The following PACRG variants were observed in gnomAD, a reference collection of about 807,000 sequenced individuals.
PACRG encodes the protein parkin coregulated gene protein.
Under a neutral mutation model 29.7 loss-of-function variants are expected in PACRG, and 29 were observed. That is an observed-to-expected ratio of 0.98 (90% CI 0.73 to 1.33). The LOEUF (loss-of-function observed/expected upper bound fraction) is 1.33, where lower values mean the gene tolerates loss of function less well. Among genes scored for constraint, PACRG ranks in the 40% most tolerant of loss-of-function variants. The pLI is 0.00. For missense variants in PACRG, 279 were observed against 316.2 expected, an observed-to-expected ratio of 0.88 and a Z score of 0.89; for synonymous variants, 116 against 118.7, an observed-to-expected ratio of 0.98 and a Z score of 0.15.
At chr6:163,071,804 T>C (rs1175706253) in intron 3 of PACRG, among the ~76,000 whole-genome samples, 1 of 151,544 alleles carries the variant, frequency 6.6e-6, no homozygotes, top group Admixed American at 6.6e-5. Flanking sequence ...AATAAGCAAC[T>C]ATATGCCAAT....
intron 2 of PACRG, among the ~76,000 whole-genome samples, chr6:162,883,714 G>GTGTA (rs1174231697): frequency 7.0e-6 from 1 of 143,162 alleles, no homozygotes; most frequent in African/African-American, 2.6e-5. Context: ...GTGTGTGTGT[G>GTGTA]TATGTATGTA....
intron 2 of PACRG, chr6:162,997,375 A>T (rs546153008): frequency 2.2e-6 from 1 of 451,892 alleles, no homozygotes; most frequent in South Asian, 1.6e-5. Context: ...TTTGTAGTCA[A>T]ACCAGCAACA....
intron 2 of PACRG, among the ~76,000 whole-genome samples, chr6:162,955,303 T>C (rs184354733): frequency 1.2e-4 from 18 of 152,236 alleles, no homozygotes; most frequent in African/African-American, 4.3e-4. Flanking sequence ...TGTTTGTTTT[T>C]GTTTTTGTTT....
At chr6:163,092,983 C>A in intron 4 of PACRG, among the ~76,000 whole-genome samples, 1 of 152,172 alleles carries the variant, frequency 6.6e-6, no homozygotes, top group East Asian at 1.9e-4. Context: ...CCCGGTCTCA[C>A]CAGCTGCATC....
At chr6:162,730,151 C>A (rs529352470) in intron 1 of PACRG, among the ~76,000 whole-genome samples, 1 of 151,210 alleles carries the variant, frequency 6.6e-6, no homozygotes, top group Non-Finnish European at 1.5e-5. Flanking sequence ...CTTAGTACTC[C>A]GAGGAAAACC....
intron 2 of PACRG, among the ~76,000 whole-genome samples, chr6:162,980,454 C>T (rs1031691445): frequency 3.3e-5 from 5 of 152,016 alleles, no homozygotes; most frequent in African/African-American, 4.8e-5. Context: ...TGTTTTTCTA[C>T]CAGGATTAAG....
At chr6:162,864,996 G>A (rs951911696) in intron 2 of PACRG, among the ~76,000 whole-genome samples, 10 of 152,166 alleles carry the variant, frequency 6.6e-5, no homozygotes, top group African/African-American at 2.4e-4. Flanking sequence ...TGATTGTTAG[G>A]AGAATGATCT....
intron 4 of PACRG, among the ~76,000 whole-genome samples, chr6:163,093,009 A>C (rs1241564281): frequency 1.3e-5 from 2 of 152,152 alleles, no homozygotes; most frequent in Non-Finnish European, 1.5e-5. Flanking sequence ...CTTTGCTTCA[A>C]ATGGTTCATT....
intron 2 of PACRG, among the ~76,000 whole-genome samples, chr6:162,978,805 T>A (rs1333315362): frequency 1.3e-5 from 2 of 152,122 alleles, no homozygotes; most frequent in Admixed American, 1.3e-4. Flanking sequence ...TAATAAAAAT[T>A]TAAACCCACC....
chr6:163,201,181 A>T (rs73784530), intron 4 of PACRG, among the ~76,000 whole-genome samples: 3,813 of 152,352 alleles, frequency 0.025, 175 homozygotes, highest in African/African-American at 0.087. Context: ...ACAAGAAGAA[A>T]GTGAATACTT....
rs1246585632 is a variant in PACRG at position 162,950,745 on chromosome 6, CTG to C, written c.292-111404_292-111403del. 7.2e-5 allele frequency among the ~76,000 whole-genome samples: 11 copies of C among 152,124 alleles called. No homozygotes were observed. In the East Asian group the frequency reaches 2.1e-3, roughly 29 times the overall value. On this transcript the variant is annotated intron_variant, in intron 2 of 4. Transcript: ENST00000366888. ...TAATTGTTCCTGAATTCAATACAAA[CTG>C]ATATTTTAAACTTGTAAAATGTATA...
chr6:162,803,766 T>G (rs1786079518), intron 1 of PACRG, among the ~76,000 whole-genome samples: 1 of 152,162 alleles, frequency 6.6e-6, no homozygotes, highest in South Asian at 2.1e-4. Context: ...CTTTGTTAAA[T>G]GTAGTAATCT....
chr6:162,957,833 A>G (rs952735283), intron 2 of PACRG, among the ~76,000 whole-genome samples: 2 of 152,156 alleles, frequency 1.3e-5, no homozygotes, highest in African/African-American at 4.8e-5. Flanking sequence ...CCCAGTACCT[A>G]GAGACACAAA....
Position 162,799,953 on chromosome 6 carries a change from A to G in PACRG, c.157-14194A>G, listed in dbSNP as rs545642255. ...ATTAGGAGAGTAGAATATATTTTAC[A>G]CTCTTGCCCATTTATATTCTCCTTT... On this transcript the variant is annotated intron_variant, in intron 1 of 4. Transcript: ENST00000366888. Among the ~76,000 whole-genome samples the G allele has an allele frequency of 2.6e-5, 4 of 152,188 alleles. No individual in the cohort carries two copies. The East Asian group carries it at 7.7e-4, about 29-fold the overall frequency.
intron 2 of PACRG, among the ~76,000 whole-genome samples, chr6:162,919,884 T>G (rs879786488): frequency 3.3e-5 from 5 of 152,128 alleles, no homozygotes; most frequent in Non-Finnish European, 7.3e-5. Flanking sequence ...ATATTAAATA[T>G]ATATAAGATT....
At chr6:163,180,671 G>A (rs1779610689) in intron 4 of PACRG, among the ~76,000 whole-genome samples, 1 of 151,748 alleles carries the variant, frequency 6.6e-6, no homozygotes, top group African/African-American at 2.4e-5. Flanking sequence ...GGGGTTTTTT[G>A]TATGGTTACA....
chr6:162,874,394 G>T (rs373734405), intron 2 of PACRG, among the ~76,000 whole-genome samples: 1 of 151,874 alleles, frequency 6.6e-6, no homozygotes, highest in East Asian at 1.9e-4. Flanking sequence ...GGGCTTAGGT[G>T]CCTGGATCCA....
intron 4 of PACRG, among the ~76,000 whole-genome samples, chr6:163,094,074 T>A (rs932009104): frequency 3.3e-5 from 5 of 152,204 alleles, no homozygotes; most frequent in African/African-American, 7.2e-5. Flanking sequence ...TCCTTGATAT[T>A]CGTGTGAATT....
intron 2 of PACRG, among the ~76,000 whole-genome samples, chr6:162,946,907 C>A (rs1306620262): frequency 6.6e-6 from 1 of 151,980 alleles, no homozygotes; most frequent in Admixed American, 6.6e-5. Flanking sequence ...GTAGAAGAAG[C>A]ATTGGATAAA....
Sources: allele counts gnomAD v4.1 joint callset (sites outside exome capture counted in the v4.1 genomes callset), GRCh38; gene constraint gnomAD v4.1.1; transcripts MANE v1.5; gene names NCBI Gene and HGNC (gene_info 2026-07-23, HGNC 2026-07-21).